The following TMCC3 variants were observed in gnomAD, a reference collection of about 807,000 sequenced individuals.
TMCC3 encodes transmembrane and coiled-coil domain protein 3.
In TMCC3, 28 loss-of-function variants were observed where a neutral mutation model predicts 40.2. The observed-to-expected ratio is 0.70, with a 90% CI of 0.52 to 0.95. The LOEUF is 0.95. Ranked by LOEUF, TMCC3 falls within the 40% of genes least tolerant of loss-of-function variation. The pLI is 0.00. For missense variants in TMCC3, 554 were observed against 615.2 expected (o/e 0.90, Z 1.05); for synonymous variants, 255 against 248.5 (o/e 1.03, Z -0.25).
chr12:94,645,443 T>C (rs2069013065), intron 1 of TMCC3, among the ~76,000 whole-genome samples: 3 of 152,182 alleles, frequency 2.0e-5, no homozygotes, highest in Admixed American at 6.5e-5. Flanking sequence ...TTGTTTTGTT[T>C]AGTTTTGTTT....
chr12:94,639,706 T>C (rs1449721700), intron 1 of TMCC3, among the ~76,000 whole-genome samples: 25 of 54,294 alleles, frequency 4.6e-4, no homozygotes, highest in South Asian at 1.4e-3. Flanking sequence ...CACACACACA[T>C]TGAAACCAGG....
intron 1 of TMCC3, among the ~76,000 whole-genome samples, chr12:94,583,891 C>A (rs552739968): frequency 6.6e-6 from 1 of 152,312 alleles, no homozygotes; most frequent in South Asian, 2.1e-4. Context: ...AATCTACAAA[C>A]AAGTCTTAAG....
intron 3 of TMCC3, 44 bp downstream of exon 3, chr12:94,578,350 C>G: frequency 2.5e-6 from 4 of 1,587,422 alleles, no homozygotes; most frequent in Non-Finnish European, 3.4e-6. Flanking sequence ...AATTAAGGCT[C>G]GGGAAGAGCC....
intron 1 of TMCC3, among the ~76,000 whole-genome samples, chr12:94,594,104 C>A (rs146824413): frequency 1.3e-5 from 2 of 151,962 alleles, no homozygotes; most frequent in African/African-American, 2.4e-5. Flanking sequence ...ACCTTGAAAA[C>A]GAGCAAGTTT....
chr12:94,630,324 C>T (rs1404821189), intron 1 of TMCC3, among the ~76,000 whole-genome samples: 1 of 152,042 alleles, frequency 6.6e-6, no homozygotes, highest in Non-Finnish European at 1.5e-5. Context: ...CCCCCATCAT[C>T]CCATGACCTG....
In TMCC3 at chr12:94,571,212, G is replaced by A. The variant is rs1459635925; in HGVS notation, c.*223C>T. On this transcript the variant is annotated 3_prime_UTR_variant, in exon 4 of 4. Transcript: ENST00000261226. Reference sequence around the variant, plus strand: ...AGGAAATCGGTCTGATTAAGGCAGTGAGCAAGGTAGGAGAGCTCTGAAACA... The same window carrying A: ...AGGAAATCGGTCTGATTAAGGCAGTAAGCAAGGTAGGAGAGCTCTGAAACA... The A allele has an allele frequency of 1.7e-6, 1 of 574,968 alleles. No homozygotes were observed. Among genetic ancestry groups the A allele is most frequent in the Non-Finnish European group, 3.1e-6 (1 of 326,722 alleles). 35.6% of individuals were successfully genotyped at this position (574,968 alleles called of 1,614,324 possible). A position where few individuals can be genotyped will look rare whatever the true frequency, so the allele number is the denominator to read the frequency against.
At chr12:94,572,828 G>T (rs1022455869) in intron 3 of TMCC3, among the ~76,000 whole-genome samples, 4 of 152,060 alleles carry the variant, frequency 2.6e-5, no homozygotes, top group Non-Finnish European at 5.9e-5. Context: ...AGAAGGGAGG[G>T]GAAGGGACTG....
chr12:94,582,052 G>C lies in TMCC3; in HGVS notation c.565C>G (p.Pro189Ala), dbSNP rs757508441. 6.2e-7 allele frequency: 1 copy of C among 1,614,178 alleles called. No individual in the cohort carries two copies. Among genetic ancestry groups the C allele is most frequent in the South Asian group, 1.1e-5 (1 of 91,072 alleles). The change falls in exon 2 of 4, where the codon CCA (proline) becomes GCA (alanine). Residue 189 changes from proline (P) to alanine (A), a missense_variant. Physicochemically the swap from Pro to Ala is conservative, Grantham distance 27. Transcript: ENST00000261226. The stretch of plus-strand genomic sequence containing the variant: ...ACAGGTGGAGTAAGTGAGACCCCTG[G>C]CATGCCCGATTTGCTGCTCTCCATG... ...HCMESSKSGM[P>A]GVSLTPPVFV... is the part of the protein sequence containing the mutation.
intron 1 of TMCC3, among the ~76,000 whole-genome samples, chr12:94,622,201 A>G (rs995565166): frequency 1.3e-5 from 2 of 152,164 alleles, no homozygotes; most frequent in Admixed American, 6.5e-5. Flanking sequence ...GCCTGAAACC[A>G]GGATCTCCAA....
intron 3 of TMCC3, among the ~76,000 whole-genome samples, chr12:94,576,810 C>G (rs1294832935): frequency 6.6e-6 from 1 of 152,064 alleles, no homozygotes; most frequent in East Asian, 1.9e-4. Flanking sequence ...AATCAAGGAG[C>G]CTGGGGTTGT....
At chr12:94,617,664 C>G (rs2068854891) in intron 1 of TMCC3, among the ~76,000 whole-genome samples, 2 of 152,190 alleles carry the variant, frequency 1.3e-5, no homozygotes, top group African/African-American at 4.8e-5. Context: ...AAAACTAAGG[C>G]CAGACTGTTC....
At chr12:94,594,710 G>GA (rs1264006011) in intron 1 of TMCC3, among the ~76,000 whole-genome samples, 3 of 152,128 alleles carry the variant, frequency 2.0e-5, no homozygotes, top group African/African-American at 7.2e-5. Context: ...GAGAAAAGAG[G>GA]CCAAGCCTGG....
At chr12:94,598,829 T>C in intron 1 of TMCC3, 1 of 919,658 alleles carries the variant, frequency 1.1e-6, no homozygotes, top group Non-Finnish European at 1.3e-6. Context: ...ATAAAACAAA[T>C]GGTGGGCTGT....
intron 1 of TMCC3, among the ~76,000 whole-genome samples, chr12:94,615,663 T>A (rs552336569): frequency 5.1e-4 from 77 of 152,320 alleles, no homozygotes; most frequent in African/African-American, 1.8e-3. Context: ...ATCTGTTAAA[T>A]CACTCACACT....
intron 1 of TMCC3, chr12:94,590,715 G>A: frequency 3.0e-6 from 1 of 335,144 alleles, no homozygotes; most frequent in Non-Finnish European, 5.8e-6. Flanking sequence ...CAGAAGAACA[G>A]GAGCTTTTCT....
At chr12:94,617,368 C>T (rs903319360) in intron 1 of TMCC3, among the ~76,000 whole-genome samples, 8 of 152,176 alleles carry the variant, frequency 5.3e-5, no homozygotes, top group African/African-American at 1.7e-4. Context: ...AGCAGCTATA[C>T]GACCTGGGGC....
chr12:94,570,816 G>A lies in TMCC3; in HGVS notation c.*619C>T, dbSNP rs762811289. Reference sequence around the variant, plus strand: ...ATCCCTATGCCTTCCCATTTAAAGTGTAACAAAACCCCTCAGGTAGACTTG... The same window carrying A: ...ATCCCTATGCCTTCCCATTTAAAGTATAACAAAACCCCTCAGGTAGACTTG... On this transcript the variant is annotated 3_prime_UTR_variant, in exon 4 of 4. Transcript: ENST00000261226. The A allele has an allele frequency of 1.3e-5, 2 of 152,836 alleles. No individual in the cohort carries two copies. The highest frequency in any genetic ancestry group is 1.3e-4 in the Admixed American group (2 of 15,296). The allele number at this position is 152,836 out of a possible 1,614,324, so 9.5% of individuals were successfully genotyped here. A position where few individuals can be genotyped will look rare whatever the true frequency, so the allele number is the denominator to read the frequency against.
At chr12:94,643,143 G>C (rs990445968) in intron 1 of TMCC3, among the ~76,000 whole-genome samples, 48 of 151,996 alleles carry the variant, frequency 3.2e-4, no homozygotes, top group African/African-American at 1.1e-3. Flanking sequence ...AGTGAGCCGA[G>C]ATTGCACCAC....
At chr12:94,642,026 CAGA>C (rs776326085) in intron 1 of TMCC3, among the ~76,000 whole-genome samples, 4 of 151,942 alleles carry the variant, frequency 2.6e-5, no homozygotes, top group Non-Finnish European at 4.4e-5. Flanking sequence ...TAAATAAATT[CAGA>C]AGAAGAATGG....
Sources: gnomAD v4.1 joint callset for allele counts (sites outside exome capture counted in the v4.1 genomes callset) on GRCh38, gnomAD v4.1.1 for gene constraint, MANE v1.5 for transcripts, NCBI Gene and HGNC (gene_info 2026-07-23, HGNC 2026-07-21) for gene names.